The following CA10 variants were observed in gnomAD, a reference collection of about 807,000 sequenced individuals.
The protein encoded by CA10 is carbonic anhydrase-related protein 10.
A neutral mutation model predicts 44.2 loss-of-function variants in CA10; 14 were observed. That is an observed-to-expected ratio of 0.32 (90% confidence interval 0.21 to 0.50). The LOEUF is 0.50. Ranked by LOEUF, CA10 falls within the 20% of genes least tolerant of loss-of-function variation. CA10 has a pLI of 0.99. For missense variants in CA10, 350 were observed against 409.7 expected, an observed-to-expected ratio of 0.85 and a Z score of 1.26; for synonymous variants, 159 against 141.6, an observed-to-expected ratio of 1.12 and a Z score of -0.87.
At chr17:52,095,881 G>A (rs908092906) in intron 1 of CA10, among the ~76,000 whole-genome samples, 11 of 152,114 alleles carry the variant, frequency 7.2e-5, no homozygotes, top group Admixed American at 2.0e-4. Flanking sequence ...ATAACATGAC[G>A]TGCTAAATGA....
chr17:51,759,593 A>G (rs1437583469), intron 3 of CA10, among the ~76,000 whole-genome samples: 1 of 151,616 alleles, frequency 6.6e-6, no homozygotes, highest in Non-Finnish European at 1.5e-5. Flanking sequence ...TTTGGTTTCC[A>G]TTTGTTGGAT....
At chr17:51,770,639 A>C (rs550722182) in intron 3 of CA10, among the ~76,000 whole-genome samples, 3 of 152,266 alleles carry the variant, frequency 2.0e-5, no homozygotes, top group Non-Finnish European at 4.4e-5. Context: ...TAATTTATAA[A>C]GAAAAGAGGT....
intron 1 of CA10, among the ~76,000 whole-genome samples, chr17:52,155,576 G>A (rs188979120): frequency 6.6e-6 from 1 of 152,300 alleles, no homozygotes; most frequent in East Asian, 1.9e-4. Context: ...TCTGCTTACA[G>A]GAGGATGAGG....
At chr17:51,963,345 G>C (rs901821646) in intron 2 of CA10, among the ~76,000 whole-genome samples, 1 of 152,124 alleles carries the variant, frequency 6.6e-6, no homozygotes, top group African/African-American at 2.4e-5. Context: ...AAACATATTT[G>C]AGGGGCTAAT....
chr17:51,885,740 T>C (rs921547993), intron 3 of CA10, among the ~76,000 whole-genome samples: 1 of 152,200 alleles, frequency 6.6e-6, no homozygotes, highest in Non-Finnish European at 1.5e-5. Flanking sequence ...GCCAATGCCT[T>C]CCTTATCTCT....
chr17:51,959,282 CTGTG>C (rs71149386), intron 2 of CA10, among the ~76,000 whole-genome samples: 39,116 of 134,034 alleles, frequency 0.29, 6,053 homozygotes, highest in African/African-American at 0.34. Context: ...CTCTCTCTCT[CTGTG>C]TGTGTGTGTG....
intron 4 of CA10, among the ~76,000 whole-genome samples, chr17:51,682,651 C>T (rs1431227281): frequency 6.6e-6 from 1 of 152,180 alleles, no homozygotes; most frequent in Non-Finnish European, 1.5e-5. Context: ...AGGCTTCATC[C>T]CATTTACCCC....
chr17:51,943,086 C>T (rs998029509), intron 2 of CA10, among the ~76,000 whole-genome samples: 1 of 152,150 alleles, frequency 6.6e-6, no homozygotes, highest in African/African-American at 2.4e-5. Context: ...CCCCCAATAA[C>T]ACAATATGCT....
intron 3 of CA10, among the ~76,000 whole-genome samples, chr17:51,875,386 A>G (rs571593801): frequency 2.0e-5 from 3 of 152,330 alleles, no homozygotes; most frequent in Admixed American, 1.3e-4. Flanking sequence ...TTAGAAGGTT[A>G]CCAAGTCACC....
intron 3 of CA10, among the ~76,000 whole-genome samples, chr17:51,875,874 ATTTC>A (rs1048058963): frequency 2.0e-5 from 3 of 152,008 alleles, no homozygotes; most frequent in African/African-American, 7.3e-5. Flanking sequence ...ATCTATTCCT[ATTTC>A]TTTTTTCCAG....
At chr17:52,122,371 C>A (rs544813877) in intron 1 of CA10, among the ~76,000 whole-genome samples, 42 of 152,180 alleles carry the variant, frequency 2.8e-4, no homozygotes, top group African/African-American at 9.9e-4. Flanking sequence ...AAGCCTAAGA[C>A]AAAAGAGAAA....
chr17:51,983,896 G>A (rs1984738171), intron 2 of CA10, among the ~76,000 whole-genome samples: 1 of 151,748 alleles, frequency 6.6e-6, no homozygotes, highest in Non-Finnish European at 1.5e-5. Context: ...CATATAAAAA[G>A]GTGAAAGACC....
intron 2 of CA10, among the ~76,000 whole-genome samples, chr17:52,007,606 T>G (rs1468519970): frequency 6.6e-6 from 1 of 151,678 alleles, no homozygotes; most frequent in Non-Finnish European, 1.5e-5. Flanking sequence ...AATAGTTCAA[T>G]GTATTTATAA....
chr17:51,732,820 C>T (rs1250412854), intron 4 of CA10, among the ~76,000 whole-genome samples: 1 of 152,088 alleles, frequency 6.6e-6, no homozygotes, highest in Non-Finnish European at 1.5e-5. Context: ...GAAGTGGGAC[C>T]ATTTCTGCCC....
At chr17:51,779,257 C>T (rs189384817) in intron 3 of CA10, among the ~76,000 whole-genome samples, 11 of 152,276 alleles carry the variant, frequency 7.2e-5, no homozygotes, top group Admixed American at 3.3e-4. Flanking sequence ...CTCTGCCCTA[C>T]ATCTTCCCAG....
At chr17:51,879,530 C>A (rs192511974) in intron 3 of CA10, among the ~76,000 whole-genome samples, 3 of 152,092 alleles carry the variant, frequency 2.0e-5, no homozygotes, top group Admixed American at 2.0e-4. Flanking sequence ...TTAAGATGAA[C>A]AAAAAGGTCT....
intron 2 of CA10, among the ~76,000 whole-genome samples, chr17:51,961,471 TA>T (rs1236056489): frequency 6.6e-6 from 1 of 150,708 alleles, no homozygotes; most frequent in Non-Finnish European, 1.5e-5. Flanking sequence ...AGAAAAAAAA[TA>T]AATGAAATTT....
At chr17:51,841,349 A>G (rs1413214230) in intron 3 of CA10, among the ~76,000 whole-genome samples, 1 of 152,162 alleles carries the variant, frequency 6.6e-6, no homozygotes, top group Non-Finnish European at 1.5e-5. Context: ...CTATGACACT[A>G]GTATTGTCTC....
intron 4 of CA10, among the ~76,000 whole-genome samples, chr17:51,727,764 G>A (rs1279105417): frequency 6.6e-6 from 1 of 151,898 alleles, no homozygotes. Flanking sequence ...TATTTATTGA[G>A]TGCCTATTAT....
Sources: allele counts gnomAD v4.1 joint callset (sites outside exome capture counted in the v4.1 genomes callset), GRCh38; gene constraint gnomAD v4.1.1; transcripts MANE v1.5; gene names NCBI Gene and HGNC (gene_info 2026-07-23, HGNC 2026-07-21).